The following RABGAP1L variants were observed in gnomAD, a reference collection of about 807,000 sequenced individuals.
RABGAP1L encodes the protein rab GTPase-activating protein 1-like.
A neutral mutation model predicts 137.7 loss-of-function variants in RABGAP1L; 63 were observed. The ratio of observed to expected loss-of-function variants is 0.46; its 90% CI spans 0.37 to 0.56. The LOEUF (loss-of-function observed/expected upper bound fraction) is 0.56, where lower values mean the gene tolerates loss of function less well. RABGAP1L is among the 20% of genes least tolerant of loss of function. The pLI is 0.00. For synonymous variants in RABGAP1L, 431 were observed against 433.7 expected (o/e 0.99, Z 0.08); for missense variants, 1,095 against 1,244.0 (o/e 0.88, Z 1.80).
At position 174,226,631 on chromosome 1, in the gene RABGAP1L, A is replaced by G. The variant is rs77569928; in HGVS notation, c.332-4514A>G. ...TTAGAATTTTTGTGTTTTCTTAATG[A>G]ATTGACCATTTTAGCCTTGTGAAAT... On this transcript the variant is annotated intron_variant, in intron 3 of 25. Coordinates refer to ENST00000681986, the MANE Select transcript of RABGAP1L (RefSeq NM_001366446.1). Among the ~76,000 whole-genome samples the G allele has an allele frequency of 1.7e-4, 26 of 152,278 alleles. No homozygotes were observed. The East Asian group carries it at 5.0e-3, about 29-fold the overall frequency.
At chr1:174,330,255 A>G (rs1165781787) in intron 11 of RABGAP1L, among the ~76,000 whole-genome samples, 4 of 150,074 alleles carry the variant, frequency 2.7e-5, no homozygotes, top group African/African-American at 4.8e-5. Context: ...CTATACACCA[A>G]TAGGAAACTA....
intron 11 of RABGAP1L, among the ~76,000 whole-genome samples, chr1:174,315,638 G>A (rs1283115893): frequency 1.0e-5 from 1 of 97,698 alleles, no homozygotes; most frequent in African/African-American, 4.5e-5. Flanking sequence ...TTTTTTTTTT[G>A]AGACATGGTT....
chr1:174,766,638 G>A (rs1238671086), intron 18 of RABGAP1L, among the ~76,000 whole-genome samples: 1 of 152,196 alleles, frequency 6.6e-6, no homozygotes, highest in African/African-American at 2.4e-5. Context: ...AAGGCAATAG[G>A]ATTTTAATAG....
At chr1:174,196,018 G>T (rs912007614) in intron 1 of RABGAP1L, among the ~76,000 whole-genome samples, 2 of 150,630 alleles carry the variant, frequency 1.3e-5, no homozygotes, top group African/African-American at 4.9e-5. Flanking sequence ...TGTATTTTTA[G>T]CAGAGACAGG....
At chr1:174,815,055 G>A (rs950908345) in intron 19 of RABGAP1L, among the ~76,000 whole-genome samples, 3 of 152,032 alleles carry the variant, frequency 2.0e-5, no homozygotes, top group African/African-American at 7.2e-5. Context: ...CAAACCAAAA[G>A]GCTGACCACA....
intron 4 of RABGAP1L, among the ~76,000 whole-genome samples, chr1:174,232,173 A>C (rs1051785878): frequency 6.6e-6 from 1 of 152,310 alleles, no homozygotes; most frequent in South Asian, 2.1e-4. Flanking sequence ...ATGCTTAATT[A>C]GGAATAATAC....
At chr1:174,380,354 G>A (rs1290800306) in intron 12 of RABGAP1L, among the ~76,000 whole-genome samples, 1 of 152,010 alleles carries the variant, frequency 6.6e-6, no homozygotes. Context: ...AATAGTTTCA[G>A]AAGGAATGGT....
intron 19 of RABGAP1L, chr1:174,874,557 G>A: frequency 1.3e-6 from 1 of 760,576 alleles, no homozygotes; most frequent in Non-Finnish European, 1.6e-6. Context: ...CTTGATCTCA[G>A]GTAATTCTCC....
rs527540004 is a variant in RABGAP1L, at chr1:174,783,582, G to T, written c.2212-28250G>T. On this transcript the variant is annotated intron_variant, in intron 18 of 25. Transcript: ENST00000681986. ...CTAATACCTAAGAGATATTCAAATA[G>T]AATTGCGACAACTTACTCAAATCTG... is the stretch of plus-strand genomic sequence containing the variant. Among the ~76,000 whole-genome samples, 4 of 152,162 alleles carry T rather than the reference G, an allele frequency of 2.6e-5. No individual in the cohort carries two copies. In the East Asian group the frequency reaches 5.8e-4, roughly 22 times the overall value.
chr1:174,245,518 C>T (rs181357248), intron 5 of RABGAP1L: 18 of 151,726 alleles, frequency 1.2e-4, no homozygotes, highest in Admixed American at 5.2e-4. Flanking sequence ...GGTAGTGTGC[C>T]TCTTATTTTA....
At position 174,569,558 on chromosome 1, in the gene RABGAP1L, A is replaced by G. The variant is rs964632158; in HGVS notation, c.1711-67817A>G. Among the ~76,000 whole-genome samples the G allele has an allele frequency of 3.9e-5, 6 of 152,282 alleles. No individual in the cohort carries two copies. In the East Asian group the frequency reaches 1.2e-3, roughly 29 times the overall value. On this transcript the variant is annotated intron_variant, in intron 13 of 25. Coordinates refer to ENST00000681986, the MANE Select transcript of RABGAP1L (RefSeq NM_001366446.1). Reference sequence around the variant, plus strand: ...GTTTCCTCTTACTTTTTCACCTGACACGAATCCTTACTAACAAAGATCAGA... The same window carrying G: ...GTTTCCTCTTACTTTTTCACCTGACGCGAATCCTTACTAACAAAGATCAGA...
chr1:174,467,651 A>G (rs554690307), intron 13 of RABGAP1L, among the ~76,000 whole-genome samples: 5 of 152,162 alleles, frequency 3.3e-5, no homozygotes, highest in African/African-American at 1.2e-4. Context: ...CCTTTTAGCA[A>G]CTCCTTTTCA....
rs188848003 is a variant in RABGAP1L at position 174,467,604 on chromosome 1, C to G, written c.1710+73459C>G. 8.1e-4 allele frequency among the ~76,000 whole-genome samples: 124 copies of G among 152,188 alleles called. 1 individual carries two copies. The highest frequency in any genetic ancestry group is 1.2e-3 in the Non-Finnish European group (83 of 67,980). On this transcript the variant is annotated intron_variant, in intron 13 of 25. Transcript: ENST00000681986. The stretch of plus-strand genomic sequence containing the variant: ...TAACAGAGCTACTGTATGACAAGTA[C>G]TGTAAATATATATTCATGTTATATA...
chr1:174,587,754 A>C (rs1669231842), intron 13 of RABGAP1L, among the ~76,000 whole-genome samples: 1 of 152,150 alleles, frequency 6.6e-6, no homozygotes, highest in Non-Finnish European at 1.5e-5. Context: ...ATATTTTGAT[A>C]CAGGCATGCA....
At chr1:174,576,472 C>T (rs1411330715) in intron 13 of RABGAP1L, among the ~76,000 whole-genome samples, 1 of 152,178 alleles carries the variant, frequency 6.6e-6, no homozygotes, top group Non-Finnish European at 1.5e-5. Context: ...TTCATAGGCT[C>T]TCTGCAGGGG....
At chr1:174,512,190 C>G (rs1662411608) in intron 13 of RABGAP1L, among the ~76,000 whole-genome samples, 1 of 152,042 alleles carries the variant, frequency 6.6e-6, no homozygotes, top group East Asian at 1.9e-4. Context: ...TATATTTATG[C>G]ACAACACAAG....
chr1:174,245,006 T>C (rs1376407230), intron 5 of RABGAP1L: 3 of 152,224 alleles, frequency 2.0e-5, no homozygotes, highest in Non-Finnish European at 2.9e-5. Context: ...CTTATTCTTA[T>C]TGCATTGTTT....
At chr1:174,337,637 C>G (rs1681602179) in intron 11 of RABGAP1L, among the ~76,000 whole-genome samples, 1 of 152,080 alleles carries the variant, frequency 6.6e-6, no homozygotes, top group Non-Finnish European at 1.5e-5. Context: ...ATATGTAAGT[C>G]TCATTTGAGG....
chr1:174,726,368 A>C (rs1681982512), intron 17 of RABGAP1L, among the ~76,000 whole-genome samples: 1 of 152,008 alleles, frequency 6.6e-6, no homozygotes, highest in African/African-American at 2.4e-5. Flanking sequence ...CAGCCTCCCA[A>C]GTGACTCACT....
Sources: allele counts gnomAD v4.1 joint callset (sites outside exome capture counted in the v4.1 genomes callset), GRCh38; gene constraint gnomAD v4.1.1; transcripts MANE v1.5; gene names NCBI Gene and HGNC (gene_info 2026-07-23, HGNC 2026-07-21).